VDAC1: variants seen among roughly 807,000 people sequenced by gnomAD.
VDAC1 encodes the protein non-selective voltage-gated ion channel VDAC1.
In VDAC1, 10 loss-of-function variants were observed where a neutral mutation model predicts 34.7. The ratio of observed to expected loss-of-function variants is 0.29; its 90% confidence interval spans 0.18 to 0.49. The LOEUF (loss-of-function observed/expected upper bound fraction) is 0.49. Ranked by LOEUF, VDAC1 falls within the 20% of genes least tolerant of loss-of-function variation. The pLI is 0.99. For synonymous variants in VDAC1, 130 were observed against 136.0 expected, an observed-to-expected ratio of 0.96 and a Z score of 0.30; for missense variants, 230 against 347.9, an observed-to-expected ratio of 0.66 and a Z score of 2.69.
chr5:134,012,071 GAAGA>G, the VDAC1 span, among the ~76,000 whole-genome samples: 11 of 152,076 alleles, frequency 7.2e-5, no homozygotes, highest in South Asian at 4.1e-4. Context: ...AAGAAAAAAA[GAAGA>G]AAGAAAGAGA....
chr5:134,009,518 A>G (rs1753800628), upstream of VDAC1, among the ~76,000 whole-genome samples: 1 of 151,538 alleles, frequency 6.6e-6, no homozygotes, highest in Non-Finnish European at 1.5e-5. Context: ...CCGCCTCCCA[A>G]AGTGCTGGGA....
At chr5:134,073,366 T>G in the VDAC1 span, among the ~76,000 whole-genome samples, 1 of 152,184 alleles carries the variant, frequency 6.6e-6, no homozygotes, top group Non-Finnish European at 1.5e-5. Context: ...TCAGGCCTCA[T>G]CCCAGTCCTC....
the VDAC1 span, among the ~76,000 whole-genome samples, chr5:134,079,394 G>A: frequency 6.6e-6 from 1 of 152,228 alleles, no homozygotes; most frequent in African/African-American, 2.4e-5. Context: ...CAGGGGTCTG[G>A]ACTAAAACCA....
At chr5:133,995,182 G>A (rs557902956) in intron 1 of VDAC1, among the ~76,000 whole-genome samples, 1 of 152,348 alleles carries the variant, frequency 6.6e-6, no homozygotes, top group South Asian at 2.1e-4. Flanking sequence ...GGCACTCAGA[G>A]AGCAGAGCTC....
chr5:133,983,992 T>C (rs1337671806), intron 5 of VDAC1, among the ~76,000 whole-genome samples: 1 of 152,180 alleles, frequency 6.6e-6, no homozygotes, highest in Non-Finnish European at 1.5e-5. Flanking sequence ...TGTGCTCTGC[T>C]TGTACAGACT....
At chr5:134,033,152 T>C in the VDAC1 span, among the ~76,000 whole-genome samples, 1 of 136,846 alleles carries the variant, frequency 7.3e-6, no homozygotes, top group Admixed American at 7.8e-5. Context: ...AAGTAGAAAC[T>C]AATTTTTTTT....
the VDAC1 span, among the ~76,000 whole-genome samples, chr5:134,074,829 T>C: frequency 6.6e-6 from 1 of 152,140 alleles, no homozygotes; most frequent in African/African-American, 2.4e-5. Context: ...AGATTTGGTA[T>C]TGATGGTCCT....
At chr5:134,076,217 G>T in the VDAC1 span, among the ~76,000 whole-genome samples, 31 of 152,130 alleles carry the variant, frequency 2.0e-4, no homozygotes, top group African/African-American at 7.2e-4. Context: ...GACCTTAGGT[G>T]ATCCACCTGC....
At chr5:133,996,582 C>G (rs1753323707) in intron 1 of VDAC1, among the ~76,000 whole-genome samples, 1 of 151,666 alleles carries the variant, frequency 6.6e-6, no homozygotes, top group African/African-American at 2.4e-5. Flanking sequence ...ATACACCTAC[C>G]CCCAAAATCA....
the VDAC1 span, among the ~76,000 whole-genome samples, chr5:134,045,845 T>C: frequency 2.0e-5 from 3 of 150,542 alleles, no homozygotes; most frequent in Admixed American, 6.6e-5. Context: ...CCACCACGCC[T>C]GGCTAATTTT....
chr5:134,043,471 C>T, the VDAC1 span, among the ~76,000 whole-genome samples: 1 of 152,174 alleles, frequency 6.6e-6, no homozygotes, highest in Non-Finnish European at 1.5e-5. Flanking sequence ...CTGGAAAGGA[C>T]TCTCACCTCC....
chr5:134,030,158 T>G, the VDAC1 span, among the ~76,000 whole-genome samples: 3 of 152,036 alleles, frequency 2.0e-5, no homozygotes, highest in African/African-American at 4.8e-5. Flanking sequence ...CTGACCAACA[T>G]GGAGAAACCC....
the VDAC1 span, among the ~76,000 whole-genome samples, chr5:134,047,084 T>C: frequency 1.3e-5 from 2 of 152,130 alleles, no homozygotes; most frequent in African/African-American, 4.8e-5. Flanking sequence ...GTAACTGAGA[T>C]AATGCCCTTG....
At chr5:134,100,789 G>C in the VDAC1 span, among the ~76,000 whole-genome samples, 1 of 152,244 alleles carries the variant, frequency 6.6e-6, no homozygotes, top group South Asian at 2.1e-4. Context: ...ATCCAGGATG[G>C]GCAGGGGCCA....
intron 1 of VDAC1, among the ~76,000 whole-genome samples, chr5:133,994,633 C>T (rs1429418785): frequency 6.6e-6 from 1 of 152,158 alleles, no homozygotes; most frequent in African/African-American, 2.4e-5. Flanking sequence ...CCCACCAGAA[C>T]CTCAAGAAAT....
chr5:133,972,747 A>G lies in VDAC1; in HGVS notation c.*24T>C. 7.1e-7 allele frequency: 1 copy of G among 1,399,560 alleles called. No individual in the cohort carries two copies. Among genetic ancestry groups the G allele is most frequent in the Non-Finnish European group, 1.0e-6 (1 of 996,926 alleles). 86.7% of individuals were successfully genotyped at this position (1,399,560 alleles called of 1,614,324 possible). On this transcript the variant is annotated 3_prime_UTR_variant, in exon 9 of 9. Transcript: ENST00000265333. Reference sequence around the variant, plus strand: ...TAGCTATGCTGCAAAATAGTTTAAAATTAAACAATTGTACAGTATTCATTT... The same window carrying G: ...TAGCTATGCTGCAAAATAGTTTAAAGTTAAACAATTGTACAGTATTCATTT...
chr5:134,011,310 C>T, the VDAC1 span, among the ~76,000 whole-genome samples: 15 of 152,046 alleles, frequency 9.9e-5, no homozygotes, highest in Non-Finnish European at 1.5e-5. Flanking sequence ...CCTCTGCCCT[C>T]TTTTTAATGG....
chr5:134,005,714 C>T (rs560969416), upstream of VDAC1, among the ~76,000 whole-genome samples: 369 of 152,328 alleles, frequency 2.4e-3, 2 homozygotes, highest in South Asian at 4.8e-3. Context: ...ACGGTCACCT[C>T]GCTGCTAGGC....
rs1433492616 is a variant in VDAC1, at chr5:133,992,926, C to T, written c.67+20G>A. 3.1e-6 allele frequency: 5 copies of T among 1,607,128 alleles called. No homozygotes were observed. In the Admixed American group the frequency reaches 8.4e-5, roughly 27 times the overall value. The stretch of plus-strand genomic sequence containing the variant: ...ACTCAGTCTGTGAGCTGAAAGGCAC[C>T]CCCTCTCTGCAACACTCACCATAGC... On this transcript the variant is annotated intron_variant, in intron 2 of 8. Transcript: ENST00000265333.
Sources: gnomAD v4.1 joint callset for allele counts (sites outside exome capture counted in the v4.1 genomes callset) on GRCh38, gnomAD v4.1.1 for gene constraint, MANE v1.5 for transcripts, NCBI Gene and HGNC (gene_info 2026-07-23, HGNC 2026-07-21) for gene names.